The following MICAL2 variants were observed in gnomAD, a reference collection of about 807,000 sequenced individuals.
MICAL2 encodes microtubule associated monooxygenase, calponin and LIM domain containing 2.
In MICAL2, 77 loss-of-function variants were observed where a neutral mutation model predicts 127.3. The observed-to-expected ratio is 0.60, with a 90% CI of 0.50 to 0.73. The LOEUF (loss-of-function observed/expected upper bound fraction) is 0.73. Among genes scored for constraint, MICAL2 ranks in the 30% least tolerant of loss-of-function variants. The probability of loss-of-function intolerance (pLI) is 0.00; values close to 1 mark genes in which losing one functional copy is unlikely to be tolerated. For synonymous variants in MICAL2, 570 were observed against 551.1 expected (o/e 1.03, Z -0.48); for missense variants, 1,351 against 1,434.4 (o/e 0.94, Z 0.94).
At chr11:12,202,416 C>T (rs1854135286) in intron 3 of MICAL2, among the ~76,000 whole-genome samples, 1 of 152,326 alleles carries the variant, frequency 6.6e-6, no homozygotes, top group Admixed American at 6.5e-5. Flanking sequence ...CTTTGTGCCT[C>T]AATTTCCCCA....
chr11:12,308,677 A>G (rs942974991), intron 29 of MICAL2, among the ~76,000 whole-genome samples: 3 of 152,228 alleles, frequency 2.0e-5, no homozygotes, highest in Admixed American at 6.5e-5. Context: ...TTGTCTGCCA[A>G]TAAAGACAGA....
chr11:12,239,678 A>C, intron 17 of MICAL2, 93 bp downstream of exon 17: 3 of 1,461,122 alleles, frequency 2.1e-6, no homozygotes, highest in Non-Finnish European at 2.8e-6. Flanking sequence ...TATGCCAGCC[A>C]GGCCTGGTCC....
intron 32 of MICAL2, among the ~76,000 whole-genome samples, chr11:12,328,179 G>A (rs1297799933): frequency 6.6e-6 from 1 of 152,186 alleles, no homozygotes; most frequent in East Asian, 1.9e-4. Flanking sequence ...CTATGCATTA[G>A]ACATTAAAAC....
chr11:12,239,403 C>T lies in MICAL2; in HGVS notation c.2065-33C>T, dbSNP rs368000291. 2.2e-5 allele frequency: 35 copies of T among 1,613,098 alleles called. No individual in the cohort carries two copies. In the African/African-American group the frequency reaches 4.3e-4, roughly 20 times the overall value. On this transcript the variant is annotated intron_variant, in intron 16 of 27. Coordinates refer to ENST00000683283, the MANE Select transcript of MICAL2 (RefSeq NM_001282663.2). ...CTTTCTGATATCCAGATTCCAGGAT[C>T]CAACCATCAGTGTCCCGTTTCAACC...
chr11:12,195,705 C>A (rs946233893), intron 3 of MICAL2, among the ~76,000 whole-genome samples: 1 of 144,554 alleles, frequency 6.9e-6, no homozygotes, highest in Non-Finnish European at 1.5e-5. Context: ...CAATAGATTT[C>A]TTTTTTTTTT....
intron 3 of MICAL2, among the ~76,000 whole-genome samples, chr11:12,175,289 A>T (rs569841651): frequency 1.3e-4 from 20 of 152,248 alleles, no homozygotes; most frequent in African/African-American, 4.8e-4. Context: ...CAGCCTGGCC[A>T]ACATGGTGAA....
chr11:12,260,283 T>A, intron 26 of MICAL2: 1 of 1,429,682 alleles, frequency 7.0e-7, no homozygotes, highest in Non-Finnish European at 9.1e-7. Flanking sequence ...TCTAAGCAAT[T>A]AGCTCAAAGC....
intron 16 of MICAL2, among the ~76,000 whole-genome samples, chr11:12,237,111 T>A (rs1859193060): frequency 6.6e-6 from 1 of 152,186 alleles, no homozygotes; most frequent in Non-Finnish European, 1.5e-5. Context: ...CAGTGAGCTT[T>A]ATAATAAATA....
At chr11:12,350,335 G>T (rs568234787) in intron 33 of MICAL2, among the ~76,000 whole-genome samples, 1 of 152,308 alleles carries the variant, frequency 6.6e-6, no homozygotes, top group African/African-American at 2.4e-5. Context: ...ACCACTTCCT[G>T]TGGCTTTAAG....
At chr11:12,288,050 G>A (rs1452266347), downstream of MICAL2, among the ~76,000 whole-genome samples, 1 of 152,134 alleles carries the variant, frequency 6.6e-6, no homozygotes, top group Non-Finnish European at 1.5e-5. Context: ...CCCAGCCAGT[G>A]AGTCATTCCC....
intron 30 of MICAL2, among the ~76,000 whole-genome samples, chr11:12,320,727 A>AAGTC (rs1864283901): frequency 6.6e-6 from 1 of 152,072 alleles, no homozygotes; most frequent in Admixed American, 6.5e-5. Context: ...ACATCATCTC[A>AAGTC]AGTCACTCTG....
chr11:12,190,549 C>G (rs1055447972), intron 3 of MICAL2, among the ~76,000 whole-genome samples: 1 of 152,164 alleles, frequency 6.6e-6, no homozygotes, highest in African/African-American at 2.4e-5. Context: ...CCCCTGACCC[C>G]AAAACTTGTG....
chr11:12,120,334 C>CAGG lies in MICAL2; in HGVS notation c.-149+9618_-149+9620dup, dbSNP rs542343920. 1.7e-4 allele frequency among the ~76,000 whole-genome samples: 26 copies of CAGG among 152,266 alleles called. No homozygotes were observed. In the South Asian group the frequency reaches 5.2e-3, roughly 30 times the overall value. ...GGGCATAGGATGAGTCAGCTGGGAA[C>CAGG]AGGAGGAGGAGGGAATCCTGAGAGA... On this transcript the variant is annotated intron_variant, in intron 1 of 27. Transcript: ENST00000683283.
At chr11:12,276,540 G>T (rs1863724214) in intron 1 of MICAL2, 1 of 161,342 alleles carries the variant, frequency 6.2e-6, no homozygotes, top group Non-Finnish European at 1.3e-5. Flanking sequence ...AGATGGTGAT[G>T]CATGGGGCTG....
chr11:12,323,826 A>G, intron 30 of MICAL2: 2 of 881,948 alleles, frequency 2.3e-6, no homozygotes, highest in East Asian at 3.0e-5. Context: ...TATTTCTATC[A>G]TTGCAGAGAG....
intron 3 of MICAL2, among the ~76,000 whole-genome samples, chr11:12,200,213 G>A (rs1400327391): frequency 6.6e-6 from 1 of 152,208 alleles, no homozygotes; most frequent in Admixed American, 6.5e-5. Flanking sequence ...CGCAGAGCTG[G>A]TTCTGGGGAA....
chr11:12,124,326 G>A (rs1046311212), intron 1 of MICAL2, among the ~76,000 whole-genome samples: 1 of 152,130 alleles, frequency 6.6e-6, no homozygotes, highest in Non-Finnish European at 1.5e-5. Flanking sequence ...ACTGACTTTG[G>A]GAAGAGTGAT....
At chr11:12,304,875 GTTC>G (rs1053500012) in intron 29 of MICAL2, among the ~76,000 whole-genome samples, 51 of 152,058 alleles carry the variant, frequency 3.4e-4, no homozygotes, top group Non-Finnish European at 5.0e-4. Context: ...CCTTCACTTT[GTTC>G]TTCTTCAACA....
At chr11:12,127,496 AAATC>A (rs1249936512) in intron 1 of MICAL2, among the ~76,000 whole-genome samples, 3 of 152,218 alleles carry the variant, frequency 2.0e-5, no homozygotes, top group Non-Finnish European at 2.9e-5. Context: ...ATGGTGGAGA[AAATC>A]AAAGCAGGGA....
Sources: gnomAD v4.1 joint callset for allele counts (sites outside exome capture counted in the v4.1 genomes callset) on GRCh38, gnomAD v4.1.1 for gene constraint, MANE v1.5 for transcripts, NCBI Gene and HGNC (gene_info 2026-07-23, HGNC 2026-07-21) for gene names.